PAPSS2: variants seen among roughly 807,000 people sequenced by gnomAD.
The protein encoded by PAPSS2 is bifunctional 3'-phosphoadenosine 5'-phosphosulfate synthase 2.
In PAPSS2, 61 loss-of-function variants were observed where a neutral mutation model predicts 66.5. The ratio of observed to expected loss-of-function variants is 0.92; its 90% CI spans 0.75 to 1.14. The LOEUF is 1.14. PAPSS2 is among the 50% of genes most tolerant of loss of function. The probability of loss-of-function intolerance (pLI) is 0.00; values close to 1 mark genes in which losing one functional copy is unlikely to be tolerated. For missense variants in PAPSS2, 708 were observed against 789.6 expected, an observed-to-expected ratio of 0.90 and a Z score of 1.24; for synonymous variants, 289 against 287.5, an observed-to-expected ratio of 1.01 and a Z score of -0.05.
In PAPSS2 at chr10:87,743,589, C is replaced by A. The variant is rs121908950; in HGVS notation, c.1439C>A (p.Ser480Ter). Residue 480 changes from serine to a stop codon, truncating the protein, a stop_gained, in exon 11 of 13, where the codon TCA becomes TAA. Coordinates refer to ENST00000456849, the MANE Select transcript of PAPSS2 (RefSeq NM_001015880.2). LOFTEE classifies it high-confidence loss of function. ...VLEEGVLDPK[S>*]TIVAIFPSPM... ...GAGGAAGGGGTCCTGGATCCCAAGTCAACCATTGTTGCCATCTTTCCGTCT... is the reference window on the plus strand; with the variant it reads ...GAGGAAGGGGTCCTGGATCCCAAGTAAACCATTGTTGCCATCTTTCCGTCT... 1 of 1,614,148 alleles carries A rather than the reference C, an allele frequency of 6.2e-7. No individual in the cohort carries two copies. The highest frequency in any genetic ancestry group is 1.1e-5 in the South Asian group (1 of 91,078).
At chr10:87,732,539 T>A (rs550272540) in intron 9 of PAPSS2, among the ~76,000 whole-genome samples, 1 of 152,070 alleles carries the variant, frequency 6.6e-6, no homozygotes, top group South Asian at 2.1e-4. Flanking sequence ...AAAAAAAAGT[T>A]TAGATAATAT....
chr10:87,741,548 C>T (rs548802450), intron 10 of PAPSS2, among the ~76,000 whole-genome samples, 178 bp downstream of exon 10: 1 of 152,048 alleles, frequency 6.6e-6, no homozygotes, highest in African/African-American at 2.4e-5. Context: ...GTGCCCACCA[C>T]TACGCCCAGC....
intron 1 of PAPSS2, among the ~76,000 whole-genome samples, chr10:87,683,735 G>A (rs1428738898): frequency 6.6e-6 from 1 of 151,276 alleles, no homozygotes; most frequent in Non-Finnish European, 1.5e-5. Flanking sequence ...TGTCACCCAG[G>A]CTGGAATACA....
intron 8 of PAPSS2, among the ~76,000 whole-genome samples, chr10:87,724,655 T>G (rs1338988611): frequency 8.8e-6 from 1 of 113,480 alleles, no homozygotes; most frequent in African/African-American, 3.9e-5. Flanking sequence ...ATATATACAT[T>G]ATTTTAATAA....
intron 1 of PAPSS2, among the ~76,000 whole-genome samples, chr10:87,671,133 T>TA (rs1467115216): frequency 6.6e-6 from 1 of 152,146 alleles, no homozygotes; most frequent in Non-Finnish European, 1.5e-5. Context: ...TGCATAACCC[T>TA]AAGTGGCAGA....
rs1030029357 is a variant in PAPSS2 at position 87,743,659 on chromosome 10, C to A, written c.1491+18C>A. On this transcript the variant is annotated intron_variant, in intron 11 of 12. Coordinates refer to ENST00000456849, the MANE Select transcript of PAPSS2 (RefSeq NM_001015880.2). ...CCACAGAGGTGAGCAATTCCCAGAGCTGGGCTTTGAGACTCAGGAATTCAG... is the reference window on the plus strand; with the variant it reads ...CCACAGAGGTGAGCAATTCCCAGAGATGGGCTTTGAGACTCAGGAATTCAG... 1 of 1,614,086 alleles carries A rather than the reference C, an allele frequency of 6.2e-7. No individual in the cohort carries two copies. The highest frequency in any genetic ancestry group is 1.7e-5 in the Admixed American group (1 of 60,030).
rs1457861802 is a variant in PAPSS2, at chr10:87,694,510, G to A, written c.28-14686G>A. Among the ~76,000 whole-genome samples, 8 of 152,204 alleles carry A rather than the reference G, an allele frequency of 5.3e-5. No individual in the cohort carries two copies. The East Asian group carries it at 1.5e-3, about 29-fold the overall frequency. Reference sequence around the variant, plus strand: ...TGGTATGTGGATAGTTGAGGGCATGGAGAGATGATTCCAGTGGGAAGAGCT... The same window carrying A: ...TGGTATGTGGATAGTTGAGGGCATGAAGAGATGATTCCAGTGGGAAGAGCT... On this transcript the variant is annotated intron_variant, in intron 1 of 12. Coordinates refer to ENST00000456849, the MANE Select transcript of PAPSS2 (RefSeq NM_001015880.2).
At chr10:87,684,261 T>G (rs1589423429) in intron 1 of PAPSS2, among the ~76,000 whole-genome samples, 2 of 152,360 alleles carry the variant, frequency 1.3e-5, no homozygotes, top group East Asian at 3.9e-4. Context: ...GGATAATTGT[T>G]GCAGGAATCT....
At chr10:87,689,532 G>A (rs1853141169) in intron 1 of PAPSS2, among the ~76,000 whole-genome samples, 1 of 130,044 alleles carries the variant, frequency 7.7e-6, no homozygotes, top group Non-Finnish European at 1.7e-5. Flanking sequence ...CAGGCGTGGT[G>A]GCGCATGCCT....
At position 87,746,103 on chromosome 10, in the gene PAPSS2, ATAAT is replaced by A. The variant is rs1157792099; in HGVS notation, c.*137_*140del. ...TTATAATGAAGTAAAAGTTGTGTCTATAATTAAAAAAAAATATATATATATACAC... is the reference window on the plus strand; with the variant it reads ...TTATAATGAAGTAAAAGTTGTGTCTATAAAAAAAAATATATATATATACAC... On this transcript the variant is annotated 3_prime_UTR_variant, in exon 13 of 13. Transcript: ENST00000456849. The A allele has an allele frequency of 8.1e-6, 6 of 742,942 alleles. No homozygotes were observed. Among genetic ancestry groups the A allele is most frequent in the African/African-American group, 5.6e-5 (3 of 54,020 alleles). The allele number at this position is 742,942 out of a possible 1,614,324, so 46.0% of individuals were successfully genotyped here.
At chr10:87,699,891 A>G (rs1247221653) in intron 1 of PAPSS2, among the ~76,000 whole-genome samples, 1 of 151,640 alleles carries the variant, frequency 6.6e-6, no homozygotes, top group Non-Finnish European at 1.5e-5. Flanking sequence ...TTAAATATAT[A>G]TTTATTTCCA....
At chr10:87,698,201 A>C (rs1282763438) in intron 1 of PAPSS2, among the ~76,000 whole-genome samples, 1 of 152,212 alleles carries the variant, frequency 6.6e-6, no homozygotes, top group Non-Finnish European at 1.5e-5. Flanking sequence ...AGTGGCTTCG[A>C]AAAGTCAAAT....
At chr10:87,691,146 T>C (rs1853166641) in intron 1 of PAPSS2, among the ~76,000 whole-genome samples, 1 of 152,212 alleles carries the variant, frequency 6.6e-6, no homozygotes, top group African/African-American at 2.4e-5. Context: ...TTCCCATTCT[T>C]ATGACCTATC....
Position 87,714,862 on chromosome 10 carries a change from A to T in PAPSS2, c.638A>T (p.Gln213Leu). ...CAGGTAGTGGAACTTCTGCAAGAGC[A>T]GGTAGGTGAACCGGTTGTCTTTTTT... ...VHQVVELLQEQNIVPYTIIKD... is the reference protein window; with the variant it reads ...VHQVVELLQELNIVPYTIIKD... Residue 213 changes from glutamine (Q) to leucine (L), a missense_variant and splice_region_variant, in exon 5 of 13, where the codon CAG (glutamine) becomes CTG (leucine). Gln to Leu is a moderately radical substitution (Grantham distance 113). Transcript: ENST00000456849. 1 of 1,580,366 alleles carries T rather than the reference A, an allele frequency of 6.3e-7. No individual in the cohort carries two copies. Among genetic ancestry groups the T allele is most frequent in the South Asian group, 1.1e-5 (1 of 90,390 alleles).
At chr10:87,674,406 T>C (rs748740176) in intron 1 of PAPSS2, among the ~76,000 whole-genome samples, 2 of 152,168 alleles carry the variant, frequency 1.3e-5, no homozygotes, top group African/African-American at 2.4e-5. Flanking sequence ...CCTCAGGTGA[T>C]CCTCCTGCCT....
intron 9 of PAPSS2, among the ~76,000 whole-genome samples, chr10:87,736,075 G>A (rs1299568473): frequency 6.6e-6 from 1 of 152,086 alleles, no homozygotes; most frequent in Admixed American, 6.5e-5. Context: ...AGGTACTTGG[G>A]GTTTGATTAG....
intron 8 of PAPSS2, among the ~76,000 whole-genome samples, chr10:87,723,324 A>C (rs1176085323): frequency 3.3e-5 from 5 of 152,182 alleles, no homozygotes; most frequent in African/African-American, 1.2e-4. Context: ...TATGCAGTGG[A>C]TTTAATCATC....
chr10:87,670,579 C>CAG (rs1275466925), intron 1 of PAPSS2, among the ~76,000 whole-genome samples: 1 of 141,726 alleles, frequency 7.1e-6, no homozygotes, highest in Non-Finnish European at 1.5e-5. Flanking sequence ...AGATGGAGCA[C>CAG]ACACACACAC....
At position 87,745,206 on chromosome 10, in the gene PAPSS2, G is replaced by C. The variant is rs1320733447; in HGVS notation, c.1696G>C (p.Ala566Pro). The stretch of plus-strand genomic sequence containing the variant: ...GGCTGCCTACAACAAAGCCAAAAAA[G>C]CCATGGACTTCTATGATCCAGCAAG... ...RVAAYNKAKK[A>P]MDFYDPARHN... Residue 566 changes from alanine (A) to proline (P), a missense_variant, in exon 12 of 13, where the codon GCC (alanine) becomes CCC (proline). Ala to Pro is a conservative substitution (Grantham distance 27). Transcript: ENST00000456849. 5.6e-6 allele frequency: 9 copies of C among 1,613,356 alleles called. No homozygotes were observed. The highest frequency in any genetic ancestry group is 7.6e-6 in the Non-Finnish European group (9 of 1,179,682).
Sources: gnomAD v4.1 joint callset for allele counts (sites outside exome capture counted in the v4.1 genomes callset) on GRCh38, gnomAD v4.1.1 for gene constraint, MANE v1.5 for transcripts, NCBI Gene and HGNC (gene_info 2026-07-23, HGNC 2026-07-21) for gene names.